The following EGLN3 variants were observed in gnomAD, a reference collection of about 807,000 sequenced individuals.
EGLN3 encodes egl-9 family hypoxia inducible factor 3, also known as prolyl hydroxylase EGLN3.
EGLN3 carries 15 observed loss-of-function variants against 26.0 expected under a neutral mutation model. The observed-to-expected ratio is 0.58, with a 90% confidence interval of 0.39 to 0.89. The LOEUF (loss-of-function observed/expected upper bound fraction) is 0.89, where lower values mean the gene tolerates loss of function less well. Ranked by LOEUF, EGLN3 falls within the 40% of genes least tolerant of loss-of-function variation. The pLI is 0.00. For missense variants in EGLN3, 238 were observed against 311.6 expected (o/e 0.76, Z 1.78); for synonymous variants, 147 against 127.2 (o/e 1.16, Z -1.05).
In EGLN3 at chr14:33,924,580, G is replaced by T. The variant is rs1275052978; in HGVS notation, c.*1311C>A. 1 of 151,966 alleles carries T rather than the reference G, an allele frequency of 6.6e-6. No individual in the cohort carries two copies. Among genetic ancestry groups the T allele is most frequent in the Non-Finnish European group, 1.5e-5 (1 of 67,998 alleles). The allele number at this position is 151,966 out of a possible 1,614,324, so 9.4% of individuals were successfully genotyped here. Reference sequence around the variant, plus strand: ...GTACATAACAAAGGAAAATATTTCTGGCTCTTTAATGTTCATGGGATTTTC... The same window carrying T: ...GTACATAACAAAGGAAAATATTTCTTGCTCTTTAATGTTCATGGGATTTTC... On this transcript the variant is annotated 3_prime_UTR_variant, in exon 5 of 5. Transcript: ENST00000250457.
At chr14:33,937,499 T>C (rs2064451156) in intron 1 of EGLN3, among the ~76,000 whole-genome samples, 1 of 152,186 alleles carries the variant, frequency 6.6e-6, no homozygotes, top group Non-Finnish European at 1.5e-5. Context: ...TGGTGGGCCA[T>C]AACACAAGCT....
Position 33,950,864 on chromosome 14 carries a change from C to A in EGLN3, c.-112G>T. On this transcript the variant is annotated 5_prime_UTR_variant, in exon 1 of 5. Transcript: ENST00000250457. ...GCGTGGCCCGGGGTTCAGAAACCTG[C>A]GGCTGCCACGGTACCCGAGCCGCTG... 2.2e-6 allele frequency: 2 copies of A among 899,746 alleles called. No individual in the cohort carries two copies. The highest frequency in any genetic ancestry group is 2.5e-5 in the East Asian group (1 of 39,850). 55.7% of individuals were successfully genotyped at this position (899,746 alleles called of 1,614,324 possible). A position where few individuals can be genotyped will look rare whatever the true frequency, so the allele number is the denominator to read the frequency against.
In EGLN3 at chr14:33,950,699, G is replaced by GTA; in HGVS notation, c.52_53dup (p.Ile19ThrfsTer135). On this transcript the variant is annotated frameshift_variant, in exon 1 of 5. Transcript: ENST00000250457. LOFTEE classifies it high-confidence loss of function. ...CCACCTCGTGCAGACAGGGCACGAT[G>GTA]TACTCCAGGGCAATTTTCTCCAGGT... 1 of 1,614,022 alleles carries GTA rather than the reference G, an allele frequency of 6.2e-7. No individual in the cohort carries two copies. The highest frequency in any genetic ancestry group is 8.5e-7 in the Non-Finnish European group (1 of 1,179,962).
At chr14:33,934,466 TAAAAAAA>T (rs369949234) in intron 1 of EGLN3, among the ~76,000 whole-genome samples, 1 of 138,400 alleles carries the variant, frequency 7.2e-6, no homozygotes, top group African/African-American at 2.7e-5. Context: ...GCTGACTTCA[TAAAAAAA>T]AAAAAAAAAC....
At chr14:33,930,967 G>A in intron 2 of EGLN3, 129 bp downstream of exon 2, 1 of 1,355,426 alleles carries the variant, frequency 7.4e-7, no homozygotes, top group Non-Finnish European at 1.0e-6. Context: ...GTTATGAAAT[G>A]GAAATAGAAA....
At chr14:33,938,369 G>A (rs544666767) in intron 1 of EGLN3, among the ~76,000 whole-genome samples, 3 of 152,198 alleles carry the variant, frequency 2.0e-5, no homozygotes, top group Non-Finnish European at 2.9e-5. Flanking sequence ...ATGCAATTAG[G>A]CACAGTAAAC....
chr14:33,927,287 G>C lies in EGLN3; in HGVS notation c.615-254C>G, dbSNP rs555107933. On this transcript the variant is annotated intron_variant, in intron 3 of 4. Transcript: ENST00000250457. ...AGGTTCAAGCGATTCTCCTGCCTCA[G>C]CTTCCCAAGTAGCTGGGACTACAGG... Among the ~76,000 whole-genome samples the C allele has an allele frequency of 2.4e-4, 36 of 151,980 alleles. 1 individual carries two copies. In the East Asian group the frequency reaches 6.8e-3, roughly 29 times the overall value.
Position 33,950,851 on chromosome 14 carries a change from G to T in EGLN3, c.-99C>A. The T allele has an allele frequency of 8.8e-7, 1 of 1,136,068 alleles. No individual in the cohort carries two copies. The highest frequency in any genetic ancestry group is 1.3e-6 in the Non-Finnish European group (1 of 791,308). The allele number at this position is 1,136,068 out of a possible 1,614,324, so 70.4% of individuals were successfully genotyped here. The stretch of plus-strand genomic sequence containing the variant: ...CGAGGCGCGGGGAGCGTGGCCCGGG[G>T]TTCAGAAACCTGCGGCTGCCACGGT... On this transcript the variant is annotated 5_prime_UTR_variant, in exon 1 of 5. Transcript: ENST00000250457.
rs56675315 is a variant in EGLN3 at position 33,929,090 on chromosome 14, G to A, written c.600C>T (p.Pro200=). The stretch of plus-strand genomic sequence containing the variant: ...CCGGCTATTACCTGGTTGCGTAAGA[G>A]GGCTGCACTTCGTGTGGGTTCCTAC... The part of the protein sequence containing the change: ...SDRRNPHEVQ[P]SYATRYAMTV... The change falls in exon 3 of 5, where the codon CCC becomes CCT. Residue 200 remains proline (P), a synonymous_variant. Coordinates refer to ENST00000250457, the MANE Select transcript of EGLN3 (RefSeq NM_022073.4). 5 of 1,613,900 alleles carry A rather than the reference G, an allele frequency of 3.1e-6. No homozygotes were observed. Among genetic ancestry groups the A allele is most frequent in the Non-Finnish European group, 3.4e-6 (4 of 1,180,022 alleles).
chr14:33,940,481 T>A (rs1341642596), intron 1 of EGLN3, among the ~76,000 whole-genome samples: 4 of 151,960 alleles, frequency 2.6e-5, no homozygotes, highest in African/African-American at 9.7e-5. Flanking sequence ...TACGCCACCA[T>A]CCCTATCTAA....
At chr14:33,946,960 T>C (rs868136668) in intron 1 of EGLN3, among the ~76,000 whole-genome samples, 1 of 152,212 alleles carries the variant, frequency 6.6e-6, no homozygotes, top group Non-Finnish European at 1.5e-5. Flanking sequence ...TCACTCAATA[T>C]GTTTAAGACT....
At chr14:33,935,513 A>G (rs1388646371) in intron 1 of EGLN3, among the ~76,000 whole-genome samples, 1 of 152,090 alleles carries the variant, frequency 6.6e-6, no homozygotes, top group African/African-American at 2.4e-5. Flanking sequence ...TGAGAGTAGC[A>G]GGCAATCAGA....
At chr14:33,931,903 T>TAAC (rs2064407233) in intron 1 of EGLN3, among the ~76,000 whole-genome samples, 1 of 152,230 alleles carries the variant, frequency 6.6e-6, no homozygotes, top group Admixed American at 6.5e-5. Context: ...TGAAGTTCTC[T>TAAC]TTGTCTAAGT....
chr14:33,926,369 T>C (rs1163425073), intron 4 of EGLN3, among the ~76,000 whole-genome samples: 2 of 152,228 alleles, frequency 1.3e-5, no homozygotes, highest in African/African-American at 4.8e-5. Context: ...TAATTTAATA[T>C]GCTAGTGAGC....
intron 1 of EGLN3, among the ~76,000 whole-genome samples, chr14:33,945,197 AC>A (rs2064509255): frequency 6.6e-6 from 1 of 152,084 alleles, no homozygotes; most frequent in South Asian, 2.1e-4. Context: ...TCCCCAAAAT[AC>A]CTTATTCACA....
rs372253057 is a variant in EGLN3 at position 33,931,153 on chromosome 14, G to T, written c.420C>A (p.Asn140Lys). The T allele has an allele frequency of 6.2e-7, 1 of 1,614,054 alleles. No homozygotes were observed. The highest frequency in any genetic ancestry group is 1.1e-5 in the South Asian group (1 of 91,086). Residue 140 changes from asparagine to lysine, a missense_variant, in exon 2 of 5, where the codon AAC becomes AAA. Asn to Lys is a moderately conservative substitution (Grantham distance 94). Coordinates refer to ENST00000250457, the MANE Select transcript of EGLN3 (RefSeq NM_022073.4). ...TGYVRHVDNP[N>K]GDGRCITCIY... ...TGCAGGTGATGCAGCGACCATCACC[G>T]TTGGGGTTGTCCACGTGGCGAACAT...
chr14:33,939,455 C>A (rs2064467189), intron 1 of EGLN3, among the ~76,000 whole-genome samples: 1 of 152,186 alleles, frequency 6.6e-6, no homozygotes, highest in Admixed American at 6.5e-5. Context: ...CGTGATCCAC[C>A]CGCCTCGGCC....
At chr14:33,942,023 A>C (rs2064486719) in intron 1 of EGLN3, among the ~76,000 whole-genome samples, 1 of 152,188 alleles carries the variant, frequency 6.6e-6, no homozygotes, top group South Asian at 2.1e-4. Flanking sequence ...TACAGTCTTT[A>C]CAGTGTTGTA....
In EGLN3 at chr14:33,950,254, C is replaced by A. The variant is rs2064547825; in HGVS notation, c.357+142G>T. 1.1e-5 allele frequency: 9 copies of A among 786,876 alleles called. No individual in the cohort carries two copies. The Admixed American group carries it at 1.7e-4, about 15-fold the overall frequency. 48.7% of individuals were successfully genotyped at this position (786,876 alleles called of 1,614,324 possible). A position where few individuals can be genotyped will look rare whatever the true frequency, so the allele number is the denominator to read the frequency against. On this transcript the variant is annotated intron_variant, in intron 1 of 4. Coordinates refer to ENST00000250457, the MANE Select transcript of EGLN3 (RefSeq NM_022073.4). ...AGCTGGGGCGAGGGGTGGGGGGAAG[C>A]AGCGAGTAGAGACAAACCAGGCTGA...
Sources: gnomAD v4.1 joint callset for allele counts (sites outside exome capture counted in the v4.1 genomes callset) on GRCh38, gnomAD v4.1.1 for gene constraint, MANE v1.5 for transcripts, NCBI Gene and HGNC (gene_info 2026-07-23, HGNC 2026-07-21) for gene names.